The following SLC44A5 variants were observed in gnomAD, a reference collection of about 807,000 sequenced individuals.
SLC44A5 encodes the protein solute carrier family 44 member 5.
Under a neutral mutation model 101.8 loss-of-function variants are expected in SLC44A5, and 57 were observed. That is an observed-to-expected ratio of 0.56 (90% CI 0.45 to 0.70). SLC44A5 has a LOEUF of 0.70. SLC44A5 is among the 30% of genes least tolerant of loss of function. The pLI is 0.00. For synonymous variants in SLC44A5, 281 were observed against 290.9 expected (o/e 0.97, Z 0.35); for missense variants, 737 against 853.1 (o/e 0.86, Z 1.70).
chr1:75,270,189 A>G (rs1365676209), intron 6 of SLC44A5, among the ~76,000 whole-genome samples: 1 of 152,160 alleles, frequency 6.6e-6, no homozygotes, highest in Non-Finnish European at 1.5e-5. Flanking sequence ...TTATACAATA[A>G]AACTTATGCT....
the SLC44A5 span, among the ~76,000 whole-genome samples, chr1:75,659,348 A>AAAAGAAAGAAAGAAGGAAAG: frequency 6.8e-6 from 1 of 147,796 alleles, no homozygotes; most frequent in African/African-American, 2.5e-5. Context: ...AAGAGAGAAA[A>AAAAGAAAGAAAGAAGGAAAG]AAAGAAAGAA....
intron 3 of SLC44A5, among the ~76,000 whole-genome samples, chr1:75,390,721 C>A (rs568429295): frequency 6.6e-6 from 1 of 152,056 alleles, no homozygotes; most frequent in Non-Finnish European, 1.5e-5. Flanking sequence ...TTATGAAAAA[C>A]CTGTAGCCAA....
intron 3 of SLC44A5, among the ~76,000 whole-genome samples, chr1:75,352,831 G>C (rs1233110414): frequency 1.3e-5 from 2 of 152,102 alleles, no homozygotes; most frequent in Non-Finnish European, 1.5e-5. Flanking sequence ...ATTTGTAATA[G>C]CCAAAAATTT....
the SLC44A5 span, among the ~76,000 whole-genome samples, chr1:75,618,193 A>T: frequency 6.6e-6 from 1 of 152,232 alleles, no homozygotes; most frequent in East Asian, 1.9e-4. Flanking sequence ...GGAGACTCAA[A>T]TTTAGTTGAC....
chr1:75,581,686 A>G (rs552095849), intron 1 of SLC44A5, among the ~76,000 whole-genome samples: 2 of 152,280 alleles, frequency 1.3e-5, no homozygotes, highest in Admixed American at 1.3e-4. Context: ...CCTAATGGGA[A>G]GTGTCTGGGT....
At chr1:75,619,016 G>A in the SLC44A5 span, among the ~76,000 whole-genome samples, 2 of 144,352 alleles carry the variant, frequency 1.4e-5, no homozygotes, top group Non-Finnish European at 3.0e-5. Context: ...GTTGCAGTGA[G>A]CCGAGACTGC....
chr1:75,369,842 A>T lies in SLC44A5; in HGVS notation c.52+26741T>A, dbSNP rs539349918. 8.7e-4 allele frequency among the ~76,000 whole-genome samples: 132 copies of T among 152,344 alleles called. 1 individual carries two copies. Among genetic ancestry groups the T allele is most frequent in the Non-Finnish European group, 1.5e-3 (100 of 68,024 alleles). On this transcript the variant is annotated intron_variant, in intron 3 of 23. Coordinates refer to ENST00000370859, the MANE Select transcript of SLC44A5 (RefSeq NM_001130058.2). ...ACCAAAAGAATAAAAAACAAAGATG[A>T]AACAGTTCAATCAATTACCAGGTTT...
At chr1:75,646,900 C>T in the SLC44A5 span, among the ~76,000 whole-genome samples, 12 of 152,176 alleles carry the variant, frequency 7.9e-5, no homozygotes, top group East Asian at 1.9e-4. Context: ...CATAAAAGCT[C>T]GGAAAATTTG....
chr1:75,226,185 T>C (rs944210850), intron 13 of SLC44A5, among the ~76,000 whole-genome samples: 16 of 152,136 alleles, frequency 1.1e-4, no homozygotes, highest in African/African-American at 3.9e-4. Context: ...AGAAGGATAT[T>C]AGTCTGCATG....
chr1:75,306,179 A>AG (rs1490834881), intron 4 of SLC44A5, among the ~76,000 whole-genome samples: 11 of 152,216 alleles, frequency 7.2e-5, no homozygotes, highest in Non-Finnish European at 1.2e-4. Flanking sequence ...TTTTGCTACA[A>AG]TGGCTTAGTA....
intron 6 of SLC44A5, among the ~76,000 whole-genome samples, chr1:75,251,516 T>C (rs1649573019): frequency 6.6e-6 from 1 of 152,176 alleles, no homozygotes; most frequent in African/African-American, 2.4e-5. Context: ...AGGAGATTGC[T>C]TAAATAGATT....
the SLC44A5 span, among the ~76,000 whole-genome samples, chr1:75,646,104 T>C: frequency 7.4e-6 from 1 of 135,242 alleles, no homozygotes; most frequent in African/African-American, 2.5e-5. Context: ...AGGATTGACT[T>C]GGCAATATGG....
chr1:75,537,034 A>AAAAAAAAAAAACAAG (rs1553199990), intron 2 of SLC44A5, among the ~76,000 whole-genome samples: 1 of 18,648 alleles, frequency 5.4e-5, no homozygotes, highest in African/African-American at 1.0e-4. Flanking sequence ...AAAAAAAAAA[A>AAAAAAAAAAAACAAG]TATATATCTA....
chr1:75,720,499 A>T, the SLC44A5 span: 7 of 152,254 alleles, frequency 4.6e-5, no homozygotes, highest in Non-Finnish European at 7.3e-5. Flanking sequence ...GCAAAAATGT[A>T]GATGAAAGAT....
intron 4 of SLC44A5, among the ~76,000 whole-genome samples, chr1:75,306,733 C>CTTTTTTT (rs771955227): frequency 0.23 from 22,698 of 100,644 alleles, 3,328 homozygotes; most frequent in East Asian, 0.64. Context: ...GGTTTCCTTT[C>CTTTTTTT]TTTTTTTTTT....
chr1:75,515,488 C>T (rs1669782118), intron 2 of SLC44A5, among the ~76,000 whole-genome samples: 1 of 152,124 alleles, frequency 6.6e-6, no homozygotes, highest in South Asian at 2.1e-4. Flanking sequence ...TCTGTTAGTT[C>T]AACTGTTTTA....
At chr1:75,468,670 G>T (rs965269248) in intron 2 of SLC44A5, among the ~76,000 whole-genome samples, 1 of 152,128 alleles carries the variant, frequency 6.6e-6, no homozygotes, top group Non-Finnish European at 1.5e-5. Context: ...ACCACAGGCT[G>T]GGAAAGGCAG....
At chr1:75,333,870 A>G (rs1190064947) in intron 4 of SLC44A5, among the ~76,000 whole-genome samples, 1 of 152,206 alleles carries the variant, frequency 6.6e-6, no homozygotes, top group Non-Finnish European at 1.5e-5. Flanking sequence ...AAAGTATGAG[A>G]GCCTGAGAAC....
At chr1:75,641,573 T>G in the SLC44A5 span, 1 of 1,512,262 alleles carries the variant, frequency 6.6e-7, no homozygotes, top group South Asian at 1.1e-5. Flanking sequence ...TACTTCTACA[T>G]GATCTTCCCC....
Sources: allele counts gnomAD v4.1 joint callset (sites outside exome capture counted in the v4.1 genomes callset), GRCh38; gene constraint gnomAD v4.1.1; transcripts MANE v1.5; gene names NCBI Gene and HGNC (gene_info 2026-07-23, HGNC 2026-07-21).